Variants in DPP10 observed in about 807,000 individuals in gnomAD.
The protein encoded by DPP10 is inactive dipeptidyl peptidase 10.
A neutral mutation model predicts 120.9 loss-of-function variants in DPP10; 33 were observed. That is an observed-to-expected ratio of 0.27 (90% CI 0.21 to 0.37). The LOEUF (loss-of-function observed/expected upper bound fraction) is 0.37, where lower values mean the gene tolerates loss of function less well. Ranked by LOEUF, DPP10 falls within the 10% of genes least tolerant of loss-of-function variation. The probability of loss-of-function intolerance (pLI) is 1.00; values close to 1 mark genes in which losing one functional copy is unlikely to be tolerated. For missense variants in DPP10, 816 were observed against 942.8 expected (o/e 0.87, Z 1.76); for synonymous variants, 337 against 326.1 (o/e 1.03, Z -0.36).
intron 1 of DPP10, among the ~76,000 whole-genome samples, chr2:114,786,277 C>T (rs1194220120): frequency 1.3e-5 from 2 of 152,176 alleles, no homozygotes; most frequent in African/African-American, 2.4e-5. Context: ...TAACTATTTA[C>T]CTTAATGATT....
At chr2:114,903,849 A>G (rs1693777096) in intron 1 of DPP10, among the ~76,000 whole-genome samples, 1 of 152,266 alleles carries the variant, frequency 6.6e-6, no homozygotes, top group Admixed American at 6.5e-5. Flanking sequence ...AGAACACAAG[A>G]AAGTGGCTGT....
chr2:115,510,852 T>G (rs2077185771), intron 4 of DPP10, among the ~76,000 whole-genome samples: 1 of 152,172 alleles, frequency 6.6e-6, no homozygotes, highest in South Asian at 2.1e-4. Flanking sequence ...AAAATCATAC[T>G]TTTATTGTTG....
intron 1 of DPP10, among the ~76,000 whole-genome samples, chr2:114,853,153 T>C (rs1689099309): frequency 6.6e-6 from 1 of 152,186 alleles, no homozygotes; most frequent in Non-Finnish European, 1.5e-5. Flanking sequence ...AGAATAGTGG[T>C]TATCTCTGGG....
At position 115,219,845 on chromosome 2, in the gene DPP10, G is replaced by C. The variant is rs560119345; in HGVS notation, c.61-89394G>C. Among the ~76,000 whole-genome samples, 5 of 152,188 alleles carry C rather than the reference G, an allele frequency of 3.3e-5. No homozygotes were observed. The South Asian group carries it at 1.0e-3, about 32-fold the overall frequency. On this transcript the variant is annotated intron_variant, in intron 1 of 25. Coordinates refer to ENST00000410059, the MANE Select transcript of DPP10 (RefSeq NM_020868.6). ...GCCCTTTAATAGTACTATCTTGCCT[G>C]GCTTTTATGTTAGCCTAGGGAAAAT...
At position 115,603,162 on chromosome 2, in the gene DPP10, GTGTGTGTA is replaced by G. The variant is rs1248684796; in HGVS notation, c.441+77192_441+77199del. On this transcript the variant is annotated intron_variant, in intron 5 of 25. Coordinates refer to ENST00000410059, the MANE Select transcript of DPP10 (RefSeq NM_020868.6). Reference sequence around the variant, plus strand: ...TGTGTGTGTGTGTGTGTGTGTGTGTGTGTGTGTATAGTCATCTGCAAGTTGAATGTGTT... The same window carrying G: ...TGTGTGTGTGTGTGTGTGTGTGTGTGTAGTCATCTGCAAGTTGAATGTGTT... 4.3e-3 allele frequency among the ~76,000 whole-genome samples: 606 copies of G among 141,540 alleles called. 6 individuals are homozygous for G. The highest frequency in any genetic ancestry group is 0.015 in the African/African-American group (564 of 38,668). The allele number at this position is 141,540 out of a possible 152,430, so 92.9% of individuals were successfully genotyped here. A position where few individuals can be genotyped will look rare whatever the true frequency, so the allele number is the denominator to read the frequency against.
intron 1 of DPP10, among the ~76,000 whole-genome samples, chr2:115,039,508 G>A (rs1013989179): frequency 2.0e-5 from 3 of 152,098 alleles, no homozygotes; most frequent in Non-Finnish European, 4.4e-5. Context: ...AGCATGACAT[G>A]TTTTCTTATA....
chr2:114,726,234 TAA>T (rs66544851), intron 1 of DPP10, among the ~76,000 whole-genome samples: 74 of 113,742 alleles, frequency 6.5e-4, no homozygotes, highest in Middle Eastern at 4.9e-3. Flanking sequence ...AGACTACGTC[TAA>T]AAAAAAAAAA....
intron 1 of DPP10, among the ~76,000 whole-genome samples, chr2:114,527,925 T>G (rs1275081863): frequency 6.6e-6 from 1 of 152,202 alleles, no homozygotes; most frequent in Non-Finnish European, 1.5e-5. Context: ...GTTATAATCT[T>G]ATGGGACTAC....
intron 1 of DPP10, among the ~76,000 whole-genome samples, chr2:114,752,135 ACACTGAGAAC>A (rs138459247): frequency 0.04 from 6,040 of 152,186 alleles, 209 homozygotes; most frequent in Middle Eastern, 0.058. Flanking sequence ...CAGGGTCTAC[ACACTGAGAAC>A]CACTGCCTTA....
At chr2:114,552,560 T>A (rs894882285) in intron 1 of DPP10, among the ~76,000 whole-genome samples, 1 of 152,176 alleles carries the variant, frequency 6.6e-6, no homozygotes, top group Non-Finnish European at 1.5e-5. Context: ...TTTCTTTTTT[T>A]TTTAGACCAA....
rs372594471 is a variant in DPP10 at position 114,870,914 on chromosome 2, G to A, written c.60+428076G>A. ...TAGAACTTGTTGATTAAATGACTGG[G>A]AATCCTAAAAGGGTTGGGGTAGTGT... On this transcript the variant is annotated intron_variant, in intron 1 of 25. Transcript: ENST00000410059. Among the ~76,000 whole-genome samples, 52 of 135,406 alleles carry A rather than the reference G, an allele frequency of 3.8e-4. 8 individuals are homozygous for A. The highest frequency in any genetic ancestry group is 1.3e-3 in the African/African-American group (49 of 39,042). The allele number at this position is 135,406 out of a possible 152,430, so 88.8% of individuals were successfully genotyped here.
At chr2:115,410,649 T>C (rs1245465648) in intron 3 of DPP10, among the ~76,000 whole-genome samples, 1 of 152,074 alleles carries the variant, frequency 6.6e-6, no homozygotes, top group Admixed American at 6.6e-5. Flanking sequence ...AAGAATGATA[T>C]AATGGACTGA....
At chr2:115,558,531 T>C (rs2080361337) in intron 5 of DPP10, among the ~76,000 whole-genome samples, 1 of 152,146 alleles carries the variant, frequency 6.6e-6, no homozygotes, top group African/African-American at 2.4e-5. Flanking sequence ...AGGATGAATT[T>C]TAACAAGCAA....
At chr2:114,446,387 A>T (rs1224120808) in intron 1 of DPP10, among the ~76,000 whole-genome samples, 1 of 152,182 alleles carries the variant, frequency 6.6e-6, no homozygotes, top group Admixed American at 6.5e-5. Context: ...TTTTGAAGTT[A>T]TAAATTGTGA....
At chr2:115,332,925 G>T (rs1490040680) in intron 2 of DPP10, among the ~76,000 whole-genome samples, 3 of 152,164 alleles carry the variant, frequency 2.0e-5, no homozygotes, top group African/African-American at 7.2e-5. Flanking sequence ...GAGTTCTGTA[G>T]ATGTCTATTA....
chr2:115,101,387 A>G (rs941303963), intron 1 of DPP10, among the ~76,000 whole-genome samples: 1 of 152,130 alleles, frequency 6.6e-6, no homozygotes, highest in East Asian at 1.9e-4. Flanking sequence ...ATAATTCTCC[A>G]GTGAGGTGGC....
intron 19 of DPP10, among the ~76,000 whole-genome samples, chr2:115,796,869 G>T (rs889247542): frequency 6.6e-6 from 1 of 152,006 alleles, no homozygotes; most frequent in African/African-American, 2.4e-5. Flanking sequence ...TCATGTATGT[G>T]TTCCCCCAAG....
intron 3 of DPP10, among the ~76,000 whole-genome samples, chr2:115,366,526 G>T (rs2106376580): frequency 6.6e-6 from 1 of 152,066 alleles, no homozygotes; most frequent in African/African-American, 2.4e-5. Flanking sequence ...TGTCTTAATT[G>T]TTTTAGAAAA....
intron 3 of DPP10, among the ~76,000 whole-genome samples, chr2:115,483,044 C>T (rs1051020984): frequency 1.3e-5 from 2 of 151,928 alleles, no homozygotes; most frequent in African/African-American, 4.8e-5. Flanking sequence ...ATATTTTCTT[C>T]TAAAAAGAGT....
Sources: allele counts gnomAD v4.1 joint callset (sites outside exome capture counted in the v4.1 genomes callset), GRCh38; gene constraint gnomAD v4.1.1; transcripts MANE v1.5; gene names NCBI Gene and HGNC (gene_info 2026-07-23, HGNC 2026-07-21).